The following NDUFA7 variants were observed in gnomAD, a reference collection of about 807,000 sequenced individuals.
The protein encoded by NDUFA7 is NADH:ubiquinone oxidoreductase subunit A7.
NDUFA7 carries 18 observed loss-of-function variants against 14.2 expected under a neutral mutation model. The observed-to-expected ratio is 1.27, with a 90% CI of 0.88 to 1.88. NDUFA7 has a LOEUF of 1.88. Ranked by LOEUF, NDUFA7 falls within the 40% of genes most tolerant of loss-of-function variation. The pLI, the probability that NDUFA7 is intolerant of heterozygous loss-of-function variation, is 0.00. For synonymous variants in NDUFA7, 75 were observed against 62.1 expected (o/e 1.21, Z -0.98); for missense variants, 172 against 147.3 (o/e 1.17, Z -0.87).
At chr19:8,320,609 A>G (rs73925316) in intron 2 of NDUFA7, among the ~76,000 whole-genome samples, 17,453 of 152,118 alleles carry the variant, frequency 0.11, 2,048 homozygotes, top group African/African-American at 0.3. Context: ...ACTGACTAAC[A>G]TGGCCACGCT....
chr19:8,313,826 G>A (rs1970204991), intron 3 of NDUFA7, among the ~76,000 whole-genome samples: 1 of 152,240 alleles, frequency 6.6e-6, no homozygotes, highest in Admixed American at 6.5e-5. Context: ...TCTAACTGGT[G>A]GAGTTATTAG....
intron 3 of NDUFA7, among the ~76,000 whole-genome samples, chr19:8,315,271 G>A (rs1970220152): frequency 6.6e-6 from 1 of 152,154 alleles, no homozygotes; most frequent in South Asian, 2.1e-4. Flanking sequence ...CACCGGTAAA[G>A]GGTCTGTGAT....
chr19:8,309,905 C>T (rs1970154512), downstream of NDUFA7, among the ~76,000 whole-genome samples: 1 of 152,338 alleles, frequency 6.6e-6, no homozygotes, highest in South Asian at 2.1e-4. Flanking sequence ...CCCCAGGAAC[C>T]AGCTGCCTTC....
intron 3 of NDUFA7, among the ~76,000 whole-genome samples, chr19:8,312,208 T>C (rs559475618): frequency 6.6e-6 from 1 of 152,164 alleles, no homozygotes; most frequent in African/African-American, 2.4e-5. Context: ...CACCCTCCCC[T>C]CTCACCCCAC....
chr19:8,320,812 G>A (rs770565838), intron 2 of NDUFA7, 45 bp downstream of exon 2: 1 of 1,611,966 alleles, frequency 6.2e-7, no homozygotes, highest in Non-Finnish European at 8.5e-7. Context: ...TTTTGGTGGA[G>A]AAAGGACAGA....
intron 2 of NDUFA7, among the ~76,000 whole-genome samples, chr19:8,319,993 G>A (rs546904379): frequency 1.1e-4 from 16 of 152,066 alleles, no homozygotes; most frequent in Admixed American, 9.2e-4. Context: ...CTACCCGCGC[G>A]CGCCACCACG....
chr19:8,310,520 A>G (rs1014903497), downstream of NDUFA7: 7 of 151,906 alleles, frequency 4.6e-5, no homozygotes, highest in African/African-American at 1.7e-4. Flanking sequence ...TTCACAATCA[A>G]TGCTCCCCAA....
In NDUFA7 at chr19:8,311,336, T is replaced by TC. The variant is rs1970174259; in HGVS notation, c.*168dup. On this transcript the variant is annotated 3_prime_UTR_variant, in exon 4 of 4. Transcript: ENST00000301457. ...AGGAGGATCGCTTGAGGCCAGGAGTTCAAGATCAGCCTGGGAAACATGGTG... is the reference window on the plus strand; with the variant it reads ...AGGAGGATCGCTTGAGGCCAGGAGTTCCAAGATCAGCCTGGGAAACATGGTG... The TC allele has an allele frequency of 1.2e-5, 6 of 511,632 alleles. No individual in the cohort carries two copies. The highest frequency in any genetic ancestry group is 1.3e-5 in the Non-Finnish European group (4 of 298,448). 31.7% of individuals were successfully genotyped at this position (511,632 alleles called of 1,614,324 possible). A position where few individuals can be genotyped will look rare whatever the true frequency, so the allele number is the denominator to read the frequency against.
At chr19:8,314,003 C>G (rs903569700) in intron 3 of NDUFA7, among the ~76,000 whole-genome samples, 1 of 152,146 alleles carries the variant, frequency 6.6e-6, no homozygotes, top group Non-Finnish European at 1.5e-5. Flanking sequence ...GAGAGGAGCC[C>G]AAGGTTTATA....
At chr19:8,313,165 C>T (rs1599629577) in intron 3 of NDUFA7, among the ~76,000 whole-genome samples, 1 of 152,022 alleles carries the variant, frequency 6.6e-6, no homozygotes, top group Non-Finnish European at 1.5e-5. Context: ...AAGCAATCCT[C>T]ACACCTCAGC....
At chr19:8,317,332 C>T (rs1051191730) in intron 2 of NDUFA7, among the ~76,000 whole-genome samples, 9 of 152,002 alleles carry the variant, frequency 5.9e-5, no homozygotes, top group South Asian at 2.1e-4. Context: ...TTTGGGAGGC[C>T]GAGGTGGGTG....
intron 2 of NDUFA7, among the ~76,000 whole-genome samples, chr19:8,316,967 G>A (rs1055003130): frequency 1.3e-5 from 2 of 152,078 alleles, no homozygotes; most frequent in African/African-American, 4.8e-5. Context: ...CCCACCCCAC[G>A]GCTGAGCTTG....
chr19:8,320,783 A>C (rs1447259623), intron 2 of NDUFA7, 74 bp downstream of exon 2: 8 of 1,573,528 alleles, frequency 5.1e-6, no homozygotes, highest in African/African-American at 1.4e-5. Flanking sequence ...TCAGGGGTCT[A>C]AAGGAACACA....
intron 2 of NDUFA7, among the ~76,000 whole-genome samples, chr19:8,318,767 A>C (rs904850764): frequency 6.9e-4 from 104 of 150,070 alleles, no homozygotes; most frequent in Non-Finnish European, 8.9e-5. Flanking sequence ...AGGTCAAGAG[A>C]TCAGACCATC....
At chr19:8,320,932 G>A (rs755977773) in intron 1 of NDUFA7, 26 bp from the exon 2 acceptor site, 1 of 1,613,176 alleles carries the variant, frequency 6.2e-7, no homozygotes, top group South Asian at 1.1e-5. Flanking sequence ...AGGAGAGGTC[G>A]GCCTGCAAGG....
chr19:8,311,504 G>A lies in NDUFA7; in HGVS notation c.*1C>T. The A allele has an allele frequency of 1.2e-6, 2 of 1,603,994 alleles. No homozygotes were observed. The highest frequency in any genetic ancestry group is 2.7e-5 in the African/African-American group (2 of 74,736). On this transcript the variant is annotated 3_prime_UTR_variant, in exon 4 of 4. Transcript: ENST00000301457. ...AGTCGGGTGGCCGTGAGGGTGCAGT[G>A]TCACAGGTAAGGCTGGTCCGAGGAC... is the stretch of plus-strand genomic sequence containing the variant.
chr19:8,313,077 G>A (rs1044530899), intron 3 of NDUFA7, among the ~76,000 whole-genome samples: 2 of 152,028 alleles, frequency 1.3e-5, no homozygotes, highest in Admixed American at 6.6e-5. Flanking sequence ...GATTACAGGC[G>A]TGAGCTACCA....
intron 3 of NDUFA7, among the ~76,000 whole-genome samples, chr19:8,314,818 CAGG>C (rs1176911976): frequency 5.3e-5 from 8 of 152,048 alleles, no homozygotes; most frequent in African/African-American, 1.2e-4. Context: ...CAGGCTGAGG[CAGG>C]AGAATGGCGT....
intron 2 of NDUFA7, among the ~76,000 whole-genome samples, chr19:8,318,162 T>C (rs998814940): frequency 6.6e-6 from 1 of 151,994 alleles, no homozygotes; most frequent in South Asian, 2.1e-4. Flanking sequence ...TTTGTTTGTT[T>C]TTTTTTGAGA....
Sources: allele counts gnomAD v4.1 joint callset (sites outside exome capture counted in the v4.1 genomes callset), GRCh38; gene constraint gnomAD v4.1.1; transcripts MANE v1.5; gene names NCBI Gene and HGNC (gene_info 2026-07-23, HGNC 2026-07-21).